The following RNF44 variants were observed in gnomAD, a reference collection of about 807,000 sequenced individuals.
RNF44 encodes the protein ring finger protein 44.
In RNF44, 25 loss-of-function variants were observed where a neutral mutation model predicts 53.6. That is an observed-to-expected ratio of 0.47 (90% CI 0.34 to 0.65). The LOEUF (loss-of-function observed/expected upper bound fraction) is 0.65. Among genes scored for constraint, RNF44 ranks in the 30% least tolerant of loss-of-function variants. The pLI is 0.01. For missense variants in RNF44, 581 were observed against 595.5 expected, an observed-to-expected ratio of 0.98 and a Z score of 0.25; for synonymous variants, 282 against 252.2, an observed-to-expected ratio of 1.12 and a Z score of -1.12.
chr5:176,529,405 GC>G lies in RNF44; in HGVS notation c.1137-19del. The G allele has an allele frequency of 6.2e-7, 1 of 1,606,668 alleles. No individual in the cohort carries two copies. Reference sequence around the variant, plus strand: ...CCACACACCTGTGGAGGGGCGCGGAGCGTCACCTCCACGCTGAGGGCCATGG... The same window carrying G: ...CCACACACCTGTGGAGGGGCGCGGAGGTCACCTCCACGCTGAGGGCCATGG... On this transcript the variant is annotated intron_variant, in intron 9 of 10. Transcript: ENST00000274811.
At chr5:176,537,884 G>A (rs1757330646), upstream of RNF44, 2 of 152,282 alleles carry the variant, frequency 1.3e-5, no homozygotes, top group South Asian at 4.1e-4. Flanking sequence ...TCACCCCCAA[G>A]AGCTGCAGCA....
At chr5:176,534,054 C>T (rs1756949729) in intron 1 of RNF44, among the ~76,000 whole-genome samples, 2 of 152,242 alleles carry the variant, frequency 1.3e-5, no homozygotes, top group Non-Finnish European at 2.9e-5. Context: ...CTCTGTGCTG[C>T]ACTTCACAAG....
chr5:176,532,460 C>T lies in RNF44; in HGVS notation c.13G>A (p.Ala5Thr). The T allele has an allele frequency of 1.3e-6, 2 of 1,594,872 alleles. No homozygotes were observed. The highest frequency in any genetic ancestry group is 1.3e-5 in the African/African-American group (1 of 74,688). The change falls in exon 2 of 11, where the codon GCT (alanine) becomes ACT (threonine). Residue 5 changes from alanine (A) to threonine (T), a missense_variant. Physicochemically the swap from Ala to Thr is moderately conservative, Grantham distance 58. This residue lies in a region of RNF44 where 387 missense variants were observed against 366.0 expected (regional missense o/e 1.06). Transcript: ENST00000274811. ...GGTGGCCACCTAGTCACTGCCAGAG[C>T]CCATGGTCGCATCGGGGGGGCAGGG... is the stretch of plus-strand genomic sequence containing the variant. MRPW[A>T]LAVTRWPPSA...
intron 1 of RNF44, among the ~76,000 whole-genome samples, chr5:176,532,804 G>C (rs1008513284): frequency 6.6e-6 from 1 of 151,162 alleles, no homozygotes; most frequent in Non-Finnish European, 1.5e-5. Context: ...AGGCGCTTGT[G>C]CCATGAGGGG....
At chr5:176,536,571 C>G (rs1046845390) in intron 1 of RNF44, among the ~76,000 whole-genome samples, 1 of 152,214 alleles carries the variant, frequency 6.6e-6, no homozygotes, top group Non-Finnish European at 1.5e-5. Flanking sequence ...CTCGGAGGGA[C>G]ACCGGGGGCG....
chr5:176,532,935 C>T (rs919885661), intron 1 of RNF44, among the ~76,000 whole-genome samples: 10 of 152,058 alleles, frequency 6.6e-5, no homozygotes, highest in African/African-American at 2.4e-4. Flanking sequence ...CCTGCCAGCA[C>T]CCAGGCCTCA....
chr5:176,536,620 C>CT (rs1212667084), intron 1 of RNF44, among the ~76,000 whole-genome samples: 11 of 152,176 alleles, frequency 7.2e-5, no homozygotes, highest in African/African-American at 2.7e-4. Context: ...AACGCTGCGA[C>CT]TTTAAGAGCC....
chr5:176,538,382 A>C (rs894574979), upstream of RNF44, among the ~76,000 whole-genome samples: 4 of 152,206 alleles, frequency 2.6e-5, no homozygotes, highest in Non-Finnish European at 5.9e-5. Flanking sequence ...GCGGAGCAGG[A>C]GTGTGAACCT....
chr5:176,541,283 A>G (rs912875356), upstream of RNF44, among the ~76,000 whole-genome samples: 5 of 152,168 alleles, frequency 3.3e-5, no homozygotes. Context: ...GGCCACCAGC[A>G]TTGGCCCCAT....
Position 176,532,487 on chromosome 5 carries a change from G to A in RNF44, c.-15C>T, listed in dbSNP as rs925034927. Reference sequence around the variant, plus strand: ...CATGGTCGCATCGGGGGGGCAGGGGGGTGGAGGGGCTGGGCCGGGACTCAC... The same window carrying A: ...CATGGTCGCATCGGGGGGGCAGGGGAGTGGAGGGGCTGGGCCGGGACTCAC... On this transcript the variant is annotated 5_prime_UTR_variant, in exon 2 of 11. Coordinates refer to ENST00000274811, the MANE Select transcript of RNF44 (RefSeq NM_014901.5). 28 of 1,564,132 alleles carry A rather than the reference G, an allele frequency of 1.8e-5. No individual in the cohort carries two copies. The highest frequency in any genetic ancestry group is 1.4e-4 in the South Asian group (12 of 86,942).
At chr5:176,530,053 G>A (rs1756416303) in intron 7 of RNF44, 29 bp downstream of exon 7, 1 of 1,388,578 alleles carries the variant, frequency 7.2e-7, no homozygotes, top group African/African-American at 1.5e-5. Context: ...AGGGCATCAG[G>A]GACCTGGGGC....
Position 176,529,402 on chromosome 5 carries a change from G to T in RNF44, c.1137-15C>A. On this transcript the variant is annotated splice_polypyrimidine_tract_variant and intron_variant, in intron 9 of 10. Transcript: ENST00000274811. ...AGACCACACACCTGTGGAGGGGCGC[G>T]GAGCGTCACCTCCACGCTGAGGGCC... The T allele has an allele frequency of 1.2e-6, 2 of 1,607,072 alleles. No individual in the cohort carries two copies. The highest frequency in any genetic ancestry group is 1.7e-6 in the Non-Finnish European group (2 of 1,175,242).
At chr5:176,541,420 C>G (rs1345362051), upstream of RNF44, among the ~76,000 whole-genome samples, 1 of 152,130 alleles carries the variant, frequency 6.6e-6, no homozygotes, top group Non-Finnish European at 1.5e-5. Context: ...AACACAGGGG[C>G]CCCGTGGTTG....
intron 1 of RNF44, among the ~76,000 whole-genome samples, chr5:176,532,987 C>T (rs1034374791): frequency 2.0e-5 from 3 of 152,130 alleles, no homozygotes; most frequent in Non-Finnish European, 4.4e-5. Context: ...CCCTCAGTTG[C>T]GGAGCTCAGC....
upstream of RNF44, among the ~76,000 whole-genome samples, chr5:176,541,085 C>T (rs530155452): frequency 1.4e-4 from 21 of 152,280 alleles, no homozygotes; most frequent in African/African-American, 3.1e-4. Flanking sequence ...CAGAGGAAAG[C>T]GGTTCAGAGC....
chr5:176,543,355 C>CCTGCCGCGG, the RNF44 span, among the ~76,000 whole-genome samples: 2 of 148,816 alleles, frequency 1.3e-5, no homozygotes, highest in African/African-American at 4.9e-5. The surrounding 1 kb of genome is among the most constrained non-coding windows in gnomAD (Gnocchi z 4.0). Flanking sequence ...CCGCGCGCCG[C>CCTGCCGCGG]CTGCCGCGGC....
In RNF44 at chr5:176,529,403, G is replaced by C. The variant is rs377022214; in HGVS notation, c.1137-16C>G. 1.0e-5 allele frequency: 16 copies of C among 1,606,732 alleles called. No individual in the cohort carries two copies. In the African/African-American group the frequency reaches 1.6e-4, roughly 16 times the overall value. The stretch of plus-strand genomic sequence containing the variant: ...GACCACACACCTGTGGAGGGGCGCG[G>C]AGCGTCACCTCCACGCTGAGGGCCA... On this transcript the variant is annotated splice_polypyrimidine_tract_variant and intron_variant, in intron 9 of 10. Coordinates refer to ENST00000274811, the MANE Select transcript of RNF44 (RefSeq NM_014901.5).
chr5:176,537,482 A>G (rs890836), upstream of RNF44: 15,305 of 152,152 alleles, frequency 0.1, 1,047 homozygotes, highest in South Asian at 0.29. Context: ...CTAGTGGGCC[A>G]CCATCTTGAA....
upstream of RNF44, among the ~76,000 whole-genome samples, chr5:176,541,018 C>G (rs1392909964): frequency 6.6e-6 from 1 of 152,196 alleles, no homozygotes; most frequent in Non-Finnish European, 1.5e-5. Context: ...ACTGTGCGAG[C>G]CTTGTTCTCC....
Sources: allele counts gnomAD v4.1 joint callset (sites outside exome capture counted in the v4.1 genomes callset), GRCh38; gene constraint gnomAD v4.1.1; regional missense constraint gnomAD v4.1.1; non-coding constraint Gnocchi (gnomAD v3.1); transcripts MANE v1.5; gene names NCBI Gene and HGNC (gene_info 2026-07-23, HGNC 2026-07-21).